The following TNRC18 variants were observed in gnomAD, a reference collection of about 807,000 sequenced individuals.
The protein encoded by TNRC18 is trinucleotide repeat-containing gene 18 protein.
Under a neutral mutation model 226.7 loss-of-function variants are expected in TNRC18, and 69 were observed. The observed-to-expected ratio is 0.30, with a 90% CI of 0.25 to 0.37. The LOEUF is 0.37. Among genes scored for constraint, TNRC18 ranks in the 10% least tolerant of loss-of-function variants. TNRC18 has a pLI of 1.00. For missense variants in TNRC18, 4,754 were observed against 4,256.6 expected, an observed-to-expected ratio of 1.12 and a Z score of -3.25; for synonymous variants, 2,449 against 1,927.6, an observed-to-expected ratio of 1.27 and a Z score of -7.09.
At chr7:5,382,042 G>C (rs1047629819) in intron 5 of TNRC18, among the ~76,000 whole-genome samples, 1 of 152,070 alleles carries the variant, frequency 6.6e-6, no homozygotes, top group Non-Finnish European at 1.5e-5. Flanking sequence ...CTGTCCCTGT[G>C]CCCAGCAGGG....
chr7:5,345,526 A>ACCCCCC, intron 18 of TNRC18, 36 bp downstream of exon 18: 5 of 177,492 alleles, frequency 2.8e-5, no homozygotes, highest in Non-Finnish European at 4.3e-5. Flanking sequence ...CGCCCCTCCC[A>ACCCCCC]CCCACCCCCA....
At chr7:5,353,140 G>C (rs533470905) in intron 16 of TNRC18, among the ~76,000 whole-genome samples, 2 of 152,336 alleles carry the variant, frequency 1.3e-5, no homozygotes, top group South Asian at 2.1e-4. Flanking sequence ...CATCGAACCA[G>C]TCAAAGTGCG....
Position 5,313,052 on chromosome 7 carries a change from G to C in TNRC18, c.7839C>G (p.Ala2613=). The C allele has an allele frequency of 1.0e-6, 1 of 1,004,716 alleles. No homozygotes were observed. The highest frequency in any genetic ancestry group is 2.6e-5 in the East Asian group (1 of 38,422). The allele number at this position is 1,004,716 out of a possible 1,614,324, so 62.2% of individuals were successfully genotyped here. Residue 2613 remains alanine (A), a synonymous_variant, in exon 27 of 30, where the codon GCC becomes GCG. Transcript: ENST00000430969. ...SAASSRAASP[A]SSSSSSSSSS... is the part of the protein sequence containing the mutation. ...AGGAGGATGAGGAGGAGGAGGAGGA[G>C]GCCGGTGAGGCCGCCCTGGAGCTGG...
intron 2 of TNRC18, 173 bp downstream of exon 2, chr7:5,420,887 C>CGCCGGGGCCGCCGGACGG (rs139552678): frequency 1.2e-6 from 1 of 837,970 alleles, no homozygotes; most frequent in African/African-American, 1.7e-5. Flanking sequence ...CACTCTCCAC[C>CGCCGGGGCCGCCGGACGG]GCCTTGGCTC....
intron 2 of TNRC18, among the ~76,000 whole-genome samples, chr7:5,401,189 C>T (rs1005510252): frequency 5.4e-5 from 7 of 129,680 alleles, no homozygotes; most frequent in Non-Finnish European, 1.1e-4. Context: ...CTTCTAGAAA[C>T]TGTATGGTGG....
At chr7:5,406,915 G>T (rs1045920540) in intron 2 of TNRC18, among the ~76,000 whole-genome samples, 10 of 151,986 alleles carry the variant, frequency 6.6e-5, no homozygotes, top group African/African-American at 2.4e-4. Context: ...AGTGAAAAAG[G>T]AAAACAGACA....
intron 16 of TNRC18, 83 bp downstream of exon 16, chr7:5,356,833 G>GC (rs988672375): frequency 2.8e-6 from 4 of 1,437,796 alleles, no homozygotes; most frequent in African/African-American, 2.9e-5. Context: ...TGAGGGGCGG[G>GC]GGGGGAAGGA....
intron 2 of TNRC18, among the ~76,000 whole-genome samples, chr7:5,400,658 C>T (rs1781021887): frequency 6.6e-6 from 1 of 152,122 alleles, no homozygotes; most frequent in Non-Finnish European, 1.5e-5. Context: ...CTGGTGATTA[C>T]ACAGGATGAA....
intron 19 of TNRC18, among the ~76,000 whole-genome samples, chr7:5,328,633 C>T (rs1412068655): frequency 6.6e-6 from 1 of 151,954 alleles, no homozygotes; most frequent in Non-Finnish European, 1.5e-5. Context: ...CTCGGCCTCC[C>T]GAGTAGCTAG....
chr7:5,393,597 A>G (rs1200642358), intron 3 of TNRC18, among the ~76,000 whole-genome samples: 3 of 152,162 alleles, frequency 2.0e-5, no homozygotes, highest in Non-Finnish European at 2.9e-5. Context: ...ACGAGCACCT[A>G]CAGGACACCT....
At chr7:5,308,611 G>C (rs1283338694) in intron 29 of TNRC18, among the ~76,000 whole-genome samples, 1 of 152,156 alleles carries the variant, frequency 6.6e-6, no homozygotes, top group African/African-American at 2.4e-5. Flanking sequence ...GAGGTTGGGA[G>C]AGACCCAGAG....
intron 5 of TNRC18, among the ~76,000 whole-genome samples, chr7:5,380,689 C>T (rs1779338913): frequency 6.6e-6 from 1 of 152,188 alleles, no homozygotes; most frequent in Admixed American, 6.5e-5. Flanking sequence ...ACCCCTCAGT[C>T]AGGACTGCAA....
chr7:5,363,195 C>T (rs1011505553), intron 11 of TNRC18, among the ~76,000 whole-genome samples: 5 of 152,080 alleles, frequency 3.3e-5, no homozygotes, highest in African/African-American at 7.2e-5. Flanking sequence ...CCCAGCTACT[C>T]GGGAGACTAA....
At position 5,307,016 on chromosome 7, in the gene TNRC18, A is replaced by G. The variant is rs1583698262; in HGVS notation, c.*1090T>C. ...AGTGCTTTCTGGGGCCCAAGCAGGG[A>G]CCCTGGGCTTGGGCCGGCTCCTGCC... On this transcript the variant is annotated 3_prime_UTR_variant, in exon 30 of 30. Coordinates refer to ENST00000430969, the MANE Select transcript of TNRC18 (RefSeq NM_001080495.3). The G allele has an allele frequency of 7.4e-6, 1 of 134,386 alleles. No homozygotes were observed. The highest frequency in any genetic ancestry group is 1.5e-5 in the Non-Finnish European group (1 of 65,710). The allele number at this position is 134,386 out of a possible 1,614,324, so 8.3% of individuals were successfully genotyped here. A position where few individuals can be genotyped will look rare whatever the true frequency, so the allele number is the denominator to read the frequency against.
chr7:5,361,800 G>C, intron 13 of TNRC18, 78 bp from the exon 14 acceptor site: 1 of 1,528,258 alleles, frequency 6.5e-7, no homozygotes, highest in Non-Finnish European at 8.8e-7. Context: ...ATGCACACAC[G>C]GCGCCGGGTC....
rs558089166 is a variant in TNRC18 at position 5,377,360 on chromosome 7, C to T, written c.2461+11G>A. 1.1e-4 allele frequency: 176 copies of T among 1,544,164 alleles called. No homozygotes were observed. The highest frequency in any genetic ancestry group is 1.5e-4 in the South Asian group (12 of 82,554). On this transcript the variant is annotated intron_variant, in intron 7 of 29. Coordinates refer to ENST00000430969, the MANE Select transcript of TNRC18 (RefSeq NM_001080495.3). The surrounding 1 kb of genome is among the most constrained non-coding windows in gnomAD (Gnocchi z 5.8). ...TCAGAGAAGGGGAGAGACCCTGTGC[C>T]CCACACTCACCGTAGGGGTGTCCAG...
At chr7:5,400,768 G>C (rs1584076827) in intron 2 of TNRC18, among the ~76,000 whole-genome samples, 1 of 152,290 alleles carries the variant, frequency 6.6e-6, no homozygotes, top group East Asian at 1.9e-4. Context: ...GCCTGGCGTG[G>C]TGGCTCACAC....
At chr7:5,356,688 C>G (rs527545133) in intron 16 of TNRC18, among the ~76,000 whole-genome samples, 1 of 152,272 alleles carries the variant, frequency 6.6e-6, no homozygotes, top group African/African-American at 2.4e-5. Flanking sequence ...TCACAAGCAC[C>G]TGCCTGGCAT....
At chr7:5,385,990 A>AAAAAAC (rs1779755038) in intron 5 of TNRC18, among the ~76,000 whole-genome samples, 1 of 148,898 alleles carries the variant, frequency 6.7e-6, no homozygotes, top group African/African-American at 2.5e-5. Context: ...CTCAAAAAAA[A>AAAAAAC]AAAAAAAAAA....
Sources: allele counts gnomAD v4.1 joint callset (sites outside exome capture counted in the v4.1 genomes callset), GRCh38; gene constraint gnomAD v4.1.1; non-coding constraint Gnocchi (gnomAD v3.1); transcripts MANE v1.5; gene names NCBI Gene and HGNC (gene_info 2026-07-23, HGNC 2026-07-21).